ARHGAP15: variants seen among roughly 807,000 people sequenced by gnomAD.
ARHGAP15 encodes the protein rho GTPase-activating protein 15.
ARHGAP15 carries 51 observed loss-of-function variants against 63.7 expected under a neutral mutation model. That is an observed-to-expected ratio of 0.80 (90% CI 0.64 to 1.01). ARHGAP15 has a LOEUF of 1.01. Ranked by LOEUF, ARHGAP15 falls within the 50% of genes least tolerant of loss-of-function variation. ARHGAP15 has a pLI of 0.00. For synonymous variants in ARHGAP15, 191 were observed against 193.8 expected (o/e 0.99, Z 0.12); for missense variants, 560 against 564.6 (o/e 0.99, Z 0.08).
At chr2:143,171,295 G>A (rs113284042) in intron 2 of ARHGAP15, among the ~76,000 whole-genome samples, 65 of 152,186 alleles carry the variant, frequency 4.3e-4, no homozygotes, top group African/African-American at 1.5e-3. Context: ...CAAATACTAG[G>A]CAAGCATCCC....
chr2:143,239,627 A>T (rs536303638), intron 5 of ARHGAP15, among the ~76,000 whole-genome samples: 222 of 152,318 alleles, frequency 1.5e-3, no homozygotes, highest in African/African-American at 5.3e-3. Flanking sequence ...GGCAACATAA[A>T]AGGCCTCATT....
chr2:143,437,796 T>G (rs1428507808), intron 8 of ARHGAP15, among the ~76,000 whole-genome samples: 3 of 151,938 alleles, frequency 2.0e-5, no homozygotes, highest in Non-Finnish European at 4.4e-5. Context: ...GAGGCTGAGG[T>G]GGGTGGATCA....
chr2:143,250,074 CA>C (rs1470606807), intron 5 of ARHGAP15, among the ~76,000 whole-genome samples: 1 of 152,050 alleles, frequency 6.6e-6, no homozygotes, highest in Non-Finnish European at 1.5e-5. Context: ...AACTCTGTAA[CA>C]GTTTTTTGCA....
intron 11 of ARHGAP15, among the ~76,000 whole-genome samples, chr2:143,591,840 G>A (rs761399663): frequency 3.3e-5 from 5 of 151,842 alleles, no homozygotes; most frequent in African/African-American, 7.3e-5. Flanking sequence ...GGCTGGTCTC[G>A]AACTCCTGAC....
At chr2:143,198,531 A>C (rs1691980030) in intron 2 of ARHGAP15, among the ~76,000 whole-genome samples, 1 of 152,068 alleles carries the variant, frequency 6.6e-6, no homozygotes, top group African/African-American at 2.4e-5. Flanking sequence ...GGTGTGATAC[A>C]TTTTTCTATG....
chr2:143,759,154 T>C lies in ARHGAP15; in HGVS notation c.1245-8835T>C, dbSNP rs1200136762. On this transcript the variant is annotated intron_variant, in intron 13 of 13. Transcript: ENST00000295095. ...CACCTGCTCATGACAATCAAAACTG[T>C]CTCCAGATATTGCCAAATCTCTCAT... is the stretch of plus-strand genomic sequence containing the variant. 8.5e-5 allele frequency among the ~76,000 whole-genome samples: 13 copies of C among 152,062 alleles called. No individual in the cohort carries two copies. The East Asian group carries it at 2.5e-3, about 29-fold the overall frequency.
At chr2:143,352,503 C>A (rs1049954381) in intron 6 of ARHGAP15, among the ~76,000 whole-genome samples, 1 of 152,024 alleles carries the variant, frequency 6.6e-6, no homozygotes, top group Non-Finnish European at 1.5e-5. Flanking sequence ...AAATGTGGCC[C>A]ATACTTTCCA....
intron 8 of ARHGAP15, among the ~76,000 whole-genome samples, chr2:143,474,797 C>T (rs536868595): frequency 1.6e-4 from 24 of 152,224 alleles, no homozygotes; most frequent in Non-Finnish European, 2.8e-4. Context: ...CCAACATGAA[C>T]TGTGCCCAAG....
intron 6 of ARHGAP15, among the ~76,000 whole-genome samples, chr2:143,360,488 CGA>C (rs1402977669): frequency 2.0e-5 from 3 of 148,726 alleles, no homozygotes; most frequent in Non-Finnish European, 4.4e-5. Flanking sequence ...CAAGTCAACA[CGA>C]TATAAATTTT....
intron 6 of ARHGAP15, among the ~76,000 whole-genome samples, chr2:143,259,525 C>T (rs1680606601): frequency 6.6e-6 from 1 of 152,152 alleles, no homozygotes; most frequent in African/African-American, 2.4e-5. Flanking sequence ...CTTAGATGGA[C>T]TGCAAAGAAT....
At position 143,244,252 on chromosome 2, in the gene ARHGAP15, C is replaced by A. The variant is rs185814993; in HGVS notation, c.385-6259C>A. 1.1e-4 allele frequency among the ~76,000 whole-genome samples: 16 copies of A among 151,350 alleles called. No homozygotes were observed. In the East Asian group the frequency reaches 3.1e-3, roughly 29 times the overall value. The stretch of plus-strand genomic sequence containing the variant: ...AAAAATAAAGAACCATAAGTCAAAC[C>A]CATTCTCTTACTGGATAGCTAGGGG... On this transcript the variant is annotated intron_variant, in intron 5 of 13. Coordinates refer to ENST00000295095, the MANE Select transcript of ARHGAP15 (RefSeq NM_018460.4).
chr2:143,247,103 T>C (rs1694069353), intron 5 of ARHGAP15, among the ~76,000 whole-genome samples: 1 of 152,200 alleles, frequency 6.6e-6, no homozygotes, highest in Admixed American at 6.5e-5. Context: ...CAGGAACAGC[T>C]AACCTGGAGA....
chr2:143,256,992 A>G (rs1338214363), intron 6 of ARHGAP15, among the ~76,000 whole-genome samples: 6 of 152,136 alleles, frequency 3.9e-5, no homozygotes, highest in African/African-American at 1.4e-4. Flanking sequence ...GTGACTTGGG[A>G]ACCACTGTCT....
intron 13 of ARHGAP15, among the ~76,000 whole-genome samples, chr2:143,754,816 T>C (rs577556780): frequency 6.6e-6 from 1 of 152,328 alleles, no homozygotes; most frequent in East Asian, 1.9e-4. Context: ...TCCAATCTAC[T>C]GATCAGGCCA....
At chr2:143,468,641 AG>A (rs1558991800) in intron 8 of ARHGAP15, among the ~76,000 whole-genome samples, 1,260 of 112,216 alleles carry the variant, frequency 0.011, 10 homozygotes, top group African/African-American at 0.02. Flanking sequence ...TGTGAGAGAG[AG>A]AGAGAGAGAG....
At chr2:143,191,682 C>T (rs973039722) in intron 2 of ARHGAP15, among the ~76,000 whole-genome samples, 1 of 152,170 alleles carries the variant, frequency 6.6e-6, no homozygotes, top group African/African-American at 2.4e-5. Flanking sequence ...CTAAATCATA[C>T]CACAGCAATC....
intron 6 of ARHGAP15, among the ~76,000 whole-genome samples, chr2:143,269,802 A>C (rs1352385201): frequency 6.6e-6 from 1 of 152,182 alleles, no homozygotes; most frequent in African/African-American, 2.4e-5. Flanking sequence ...TACTGGCCAC[A>C]GGTTTATGAT....
intron 8 of ARHGAP15, among the ~76,000 whole-genome samples, chr2:143,453,803 A>C (rs891784887): frequency 6.6e-6 from 1 of 151,874 alleles, no homozygotes; most frequent in African/African-American, 2.4e-5. Flanking sequence ...CAATCGGAAA[A>C]AAAAAAAAAG....
chr2:143,708,559 C>T (rs746613125), intron 13 of ARHGAP15, among the ~76,000 whole-genome samples: 20 of 152,172 alleles, frequency 1.3e-4, no homozygotes, highest in Non-Finnish European at 2.5e-4. Context: ...ATACCCAATC[C>T]CCACTCTTTT....
Sources: gnomAD v4.1 joint callset for allele counts (sites outside exome capture counted in the v4.1 genomes callset) on GRCh38, gnomAD v4.1.1 for gene constraint, MANE v1.5 for transcripts, NCBI Gene and HGNC (gene_info 2026-07-23, HGNC 2026-07-21) for gene names.